The following NPAS3 variants were observed in gnomAD, a reference collection of about 807,000 sequenced individuals.
The protein encoded by NPAS3 is neuronal PAS domain protein 3, also known as neuronal PAS domain-containing protein 3.
A neutral mutation model predicts 73.1 loss-of-function variants in NPAS3; 14 were observed. The ratio of observed to expected loss-of-function variants is 0.19; its 90% CI spans 0.13 to 0.30. The LOEUF is 0.30. Ranked by LOEUF, NPAS3 falls within the 10% of genes least tolerant of loss-of-function variation. The probability of loss-of-function intolerance (pLI) is 1.00; values close to 1 mark genes in which losing one functional copy is unlikely to be tolerated. For missense variants in NPAS3, 1,096 were observed against 1,250.0 expected (o/e 0.88, Z 1.86); for synonymous variants, 620 against 541.5 (o/e 1.14, Z -2.01).
intron 5 of NPAS3, among the ~76,000 whole-genome samples, chr14:33,591,258 C>T (rs1321688856): frequency 6.6e-6 from 1 of 152,154 alleles, no homozygotes; most frequent in South Asian, 2.1e-4. Context: ...CCACTCTTCT[C>T]GACTTTGCTC....
intron 4 of NPAS3, among the ~76,000 whole-genome samples, chr14:33,526,865 A>C (rs1230460043): frequency 6.6e-6 from 1 of 152,044 alleles, no homozygotes; most frequent in East Asian, 1.9e-4. Context: ...TCACTGTGTT[A>C]ATGAAGTTAC....
chr14:33,223,645 A>G (rs538112252), intron 3 of NPAS3, among the ~76,000 whole-genome samples: 1 of 152,260 alleles, frequency 6.6e-6, no homozygotes, highest in East Asian at 1.9e-4. Flanking sequence ...TATTGTCCTA[A>G]ATTAGACTAT....
At chr14:33,221,647 A>AT (rs908426742) in intron 3 of NPAS3, among the ~76,000 whole-genome samples, 15 of 151,688 alleles carry the variant, frequency 9.9e-5, no homozygotes, top group African/African-American at 2.9e-4. Flanking sequence ...AGAAATGAGG[A>AT]TTTTTTTTGT....
At chr14:33,235,284 G>A (rs747798606) in intron 3 of NPAS3, among the ~76,000 whole-genome samples, 1 of 151,948 alleles carries the variant, frequency 6.6e-6, no homozygotes, top group African/African-American at 2.4e-5. Context: ...TTACCTGCAC[G>A]CGTTAATTAA....
chr14:33,495,509 T>A (rs572370543), intron 4 of NPAS3, among the ~76,000 whole-genome samples: 1 of 152,178 alleles, frequency 6.6e-6, no homozygotes, highest in South Asian at 2.1e-4. Context: ...CAGAGCTGAG[T>A]TCAAGTCTTG....
chr14:33,189,992 A>G (rs2046112462), intron 2 of NPAS3, among the ~76,000 whole-genome samples: 1 of 152,150 alleles, frequency 6.6e-6, no homozygotes, highest in Non-Finnish European at 1.5e-5. Flanking sequence ...CTAAAAGTTG[A>G]TGCTACTCTG....
chr14:33,431,012 C>T (rs992031487), intron 4 of NPAS3, among the ~76,000 whole-genome samples: 2 of 152,096 alleles, frequency 1.3e-5, no homozygotes, highest in African/African-American at 4.8e-5. Context: ...GCTCCTTTTA[C>T]AAATACAAAG....
chr14:33,643,375 T>TTAAA (rs1555427000), intron 5 of NPAS3, among the ~76,000 whole-genome samples: 69 of 94,642 alleles, frequency 7.3e-4, no homozygotes, highest in African/African-American at 2.7e-3. Flanking sequence ...AAATAAAAAT[T>TTAAA]AAAAAAAAAA....
At chr14:33,473,374 T>C (rs968386486) in intron 4 of NPAS3, among the ~76,000 whole-genome samples, 2 of 152,200 alleles carry the variant, frequency 1.3e-5, no homozygotes, top group Non-Finnish European at 2.9e-5. Context: ...TAAAAGATGC[T>C]GGAGGAAAGA....
In NPAS3 at chr14:33,684,774, C is replaced by T. The variant is rs377307804; in HGVS notation, c.733+8389C>T. ...TGTACACTTGGACTCTGCTCTGTGT[C>T]GGCCAACACTGGGCCAGATTCCGTG... is the stretch of plus-strand genomic sequence containing the variant. On this transcript the variant is annotated intron_variant, in intron 6 of 11. Transcript: ENST00000356141. Among the ~76,000 whole-genome samples, 120 of 152,322 alleles carry T rather than the reference C, an allele frequency of 7.9e-4. 3 individuals carry two copies. In the Middle Eastern group the frequency reaches 0.01, roughly 13 times the overall value.
intron 3 of NPAS3, among the ~76,000 whole-genome samples, chr14:33,292,346 A>G (rs934644153): frequency 6.6e-6 from 1 of 152,230 alleles, no homozygotes; most frequent in Middle Eastern, 3.4e-3. Flanking sequence ...AAGCCCCTAG[A>G]TCTGGGCTCT....
chr14:33,202,932 G>A (rs564372152), intron 2 of NPAS3, among the ~76,000 whole-genome samples: 39 of 152,148 alleles, frequency 2.6e-4, no homozygotes, highest in African/African-American at 7.5e-4. Context: ...GAATAATATC[G>A]TAAGAAAAGT....
At chr14:33,623,782 C>T (rs945594679) in intron 5 of NPAS3, among the ~76,000 whole-genome samples, 29 of 152,214 alleles carry the variant, frequency 1.9e-4, no homozygotes. Context: ...ATCCTGCCTC[C>T]TCACTGGGCA....
intron 4 of NPAS3, among the ~76,000 whole-genome samples, chr14:33,457,479 C>G (rs1489972988): frequency 6.6e-6 from 1 of 152,208 alleles, no homozygotes; most frequent in Non-Finnish European, 1.5e-5. Flanking sequence ...TTCTCTTCTG[C>G]ATCCTCTGTG....
intron 2 of NPAS3, among the ~76,000 whole-genome samples, chr14:33,087,225 AATAT>A (rs3057471): frequency 0.04 from 4,319 of 106,956 alleles, 182 homozygotes; most frequent in East Asian, 0.17. Flanking sequence ...ATTATTGTAT[AATAT>A]ATATTATACA....
intron 6 of NPAS3, among the ~76,000 whole-genome samples, chr14:33,710,388 C>T (rs757837577): frequency 2.6e-5 from 4 of 152,146 alleles, no homozygotes; most frequent in African/African-American, 7.2e-5. Context: ...TCTTTCTTGT[C>T]CTGAGTTGAT....
At chr14:33,170,970 T>C (rs2045367273) in intron 2 of NPAS3, among the ~76,000 whole-genome samples, 1 of 152,152 alleles carries the variant, frequency 6.6e-6, no homozygotes, top group Non-Finnish European at 1.5e-5. Context: ...TTCCAGAAGG[T>C]TTTCAACTGA....
At chr14:32,979,265 A>G (rs951144552) in intron 1 of NPAS3, among the ~76,000 whole-genome samples, 3 of 152,178 alleles carry the variant, frequency 2.0e-5, no homozygotes, top group Non-Finnish European at 2.9e-5. Context: ...CTTCAAACAA[A>G]TTGAGCTCTC....
At chr14:32,980,489 T>C (rs1414679170) in intron 1 of NPAS3, among the ~76,000 whole-genome samples, 1 of 152,244 alleles carries the variant, frequency 6.6e-6, no homozygotes, top group African/African-American at 2.4e-5. Context: ...TGTTTCATAT[T>C]AATCAAAATA....
Sources: allele counts gnomAD v4.1 joint callset (sites outside exome capture counted in the v4.1 genomes callset), GRCh38; gene constraint gnomAD v4.1.1; transcripts MANE v1.5; gene names NCBI Gene and HGNC (gene_info 2026-07-23, HGNC 2026-07-21).